ESRRG: variants seen among roughly 807,000 people sequenced by gnomAD.
The protein encoded by ESRRG is estrogen-related receptor gamma.
In ESRRG, 13 loss-of-function variants were observed where a neutral mutation model predicts 44.0. The observed-to-expected ratio is 0.30, with a 90% CI of 0.19 to 0.47. ESRRG has a LOEUF of 0.47. ESRRG is among the 20% of genes least tolerant of loss of function. The probability of loss-of-function intolerance (pLI) is 1.00; values close to 1 mark genes in which losing one functional copy is unlikely to be tolerated. For missense variants in ESRRG, 395 were observed against 580.6 expected (o/e 0.68, Z 3.29); for synonymous variants, 215 against 214.6 (o/e 1.00, Z -0.02).
At chr1:216,899,178 G>A (rs1179165268) in intron 2 of ESRRG, among the ~76,000 whole-genome samples, 1 of 152,144 alleles carries the variant, frequency 6.6e-6, no homozygotes, top group Non-Finnish European at 1.5e-5. Context: ...TGACAAGAAA[G>A]TTTCAGGGCT....
chr1:216,954,909 C>T (rs974228434), intron 1 of ESRRG, among the ~76,000 whole-genome samples: 5 of 151,994 alleles, frequency 3.3e-5, no homozygotes, highest in African/African-American at 1.2e-4. Context: ...GTTCCCTTTA[C>T]TTTTAGTTGA....
intron 5 of ESRRG, among the ~76,000 whole-genome samples, chr1:216,540,890 T>A (rs2052492221): frequency 6.6e-6 from 1 of 152,008 alleles, no homozygotes; most frequent in Non-Finnish European, 1.5e-5. Context: ...TTTAAAAAAA[T>A]CAGAGAATTT....
At chr1:216,511,112 G>T (rs947416523) in intron 6 of ESRRG, among the ~76,000 whole-genome samples, 1 of 151,992 alleles carries the variant, frequency 6.6e-6, no homozygotes, top group Non-Finnish European at 1.5e-5. Context: ...TCTGTGAAAC[G>T]CAGGACTTGA....
chr1:217,096,642 G>A (rs187828284), intron 1 of ESRRG, among the ~76,000 whole-genome samples: 4 of 107,794 alleles, frequency 3.7e-5, no homozygotes, highest in East Asian at 2.6e-4. Context: ...CCATTTCCTT[G>A]ATTAACTTCC....
chr1:216,976,286 ATGTGTGTG>A (rs61142800), intron 1 of ESRRG, among the ~76,000 whole-genome samples: 2,092 of 146,952 alleles, frequency 0.014, 25 homozygotes, highest in South Asian at 0.032. Flanking sequence ...ATGCTCCTAA[ATGTGTGTG>A]TGTGTGTGTG....
intron 5 of ESRRG, among the ~76,000 whole-genome samples, chr1:216,538,007 T>A (rs1308897223): frequency 1.3e-5 from 2 of 152,100 alleles, no homozygotes; most frequent in Non-Finnish European, 2.9e-5. Context: ...TTTCCCTTCC[T>A]TTCTGCAGGC....
intron 1 of ESRRG, among the ~76,000 whole-genome samples, chr1:217,046,577 A>G (rs1182276232): frequency 6.6e-6 from 1 of 152,192 alleles, no homozygotes; most frequent in East Asian, 1.9e-4. Context: ...GGAAAATCTT[A>G]AGAATCACAC....
rs1015765034 is a variant in ESRRG at position 216,982,179 on chromosome 1, A to T, written c.-105-42506T>A. Among the ~76,000 whole-genome samples, 31 of 152,288 alleles carry T rather than the reference A, an allele frequency of 2.0e-4. No homozygotes were observed. The South Asian group carries it at 3.7e-3, about 18-fold the overall frequency. On this transcript the variant is annotated intron_variant, in intron 1 of 7. Coordinates refer to the ESRRG transcript ENST00000359162. ...ATCAAGTGTGTAACAGCTTAGCTGC[A>T]CTCAGTGCCACTTTGAGAAAAAGAA... is the stretch of plus-strand genomic sequence containing the variant.
intron 3 of ESRRG, among the ~76,000 whole-genome samples, chr1:216,582,380 T>G (rs1167912150): frequency 6.6e-6 from 1 of 152,224 alleles, no homozygotes; most frequent in African/African-American, 2.4e-5. Flanking sequence ...GTTTACTAAA[T>G]GTTTTCATGC....
chr1:216,742,684 G>T (rs939368022), intron 2 of ESRRG, among the ~76,000 whole-genome samples: 2 of 151,708 alleles, frequency 1.3e-5, no homozygotes, highest in Admixed American at 1.3e-4. Context: ...GCAAAAGTGG[G>T]AGAGGAACAG....
chr1:216,737,135 T>A (rs560641305), intron 2 of ESRRG, among the ~76,000 whole-genome samples: 44 of 152,324 alleles, frequency 2.9e-4, no homozygotes, highest in African/African-American at 1.0e-3. Context: ...CCTTGGACTT[T>A]TAAAAACTCT....
At chr1:217,038,440 G>A (rs962044488) in intron 1 of ESRRG, among the ~76,000 whole-genome samples, 3 of 152,212 alleles carry the variant, frequency 2.0e-5, no homozygotes, top group Admixed American at 6.5e-5. Context: ...GATGGATTGT[G>A]AAATGACAGT....
Position 216,837,394 on chromosome 1 carries a change from C to T in ESRRG, c.-14+102188G>A, listed in dbSNP as rs1224891656. Among the ~76,000 whole-genome samples the T allele has an allele frequency of 2.9e-5, 4 of 137,342 alleles. No individual in the cohort carries two copies. In the South Asian group the frequency reaches 7.0e-4, roughly 24 times the overall value. 90.1% of individuals were successfully genotyped at this position (137,342 alleles called of 152,430 possible). A position where few individuals can be genotyped will look rare whatever the true frequency, so the allele number is the denominator to read the frequency against. On this transcript the variant is annotated intron_variant, in intron 2 of 7. Transcript: ENST00000359162. ...CCACCGCACTCCAGCCTGGGCAACACAGCAAGACTCCGTATCAAAAAAAAA... is the reference window on the plus strand; with the variant it reads ...CCACCGCACTCCAGCCTGGGCAACATAGCAAGACTCCGTATCAAAAAAAAA...
chr1:217,112,911 C>A lies in ESRRG; in HGVS notation c.-230+24756G>T, dbSNP rs187822508. Among the ~76,000 whole-genome samples, 34 of 152,236 alleles carry A rather than the reference C, an allele frequency of 2.2e-4. No individual in the cohort carries two copies. In the East Asian group the frequency reaches 6.2e-3, roughly 28 times the overall value. On this transcript the variant is annotated intron_variant, in intron 1 of 8. Transcript: ENST00000366940. Reference sequence around the variant, plus strand: ...TCAAGAGAATGTGTAAGCATCTGAACTGTGTTAATCTATAGGAGCCTCATA... The same window carrying A: ...TCAAGAGAATGTGTAAGCATCTGAAATGTGTTAATCTATAGGAGCCTCATA...
chr1:216,903,878 T>A (rs1048048779), intron 2 of ESRRG, among the ~76,000 whole-genome samples: 1 of 152,160 alleles, frequency 6.6e-6, no homozygotes, highest in Non-Finnish European at 1.5e-5. Flanking sequence ...ATTATGTTCT[T>A]GCTTGGACAC....
At chr1:217,111,250 G>A (rs2092658814) in intron 1 of ESRRG, among the ~76,000 whole-genome samples, 1 of 152,132 alleles carries the variant, frequency 6.6e-6, no homozygotes, top group African/African-American at 2.4e-5. Flanking sequence ...CCCCAGGGCA[G>A]GTATGAGCTT....
chr1:216,791,060 A>G (rs765904054), intron 2 of ESRRG, among the ~76,000 whole-genome samples: 4 of 152,186 alleles, frequency 2.6e-5, no homozygotes, highest in Non-Finnish European at 5.9e-5. Flanking sequence ...TTAGATTAAG[A>G]AGTGTAAGCA....
At chr1:216,706,729 A>G (rs1490301047) in intron 1 of ESRRG, among the ~76,000 whole-genome samples, 1 of 152,242 alleles carries the variant, frequency 6.6e-6, no homozygotes, top group Non-Finnish European at 1.5e-5. Flanking sequence ...CCCTGATACC[A>G]TGATTTTAAT....
At chr1:217,103,412 AAGGTAGG>A (rs2092546551) in intron 1 of ESRRG, among the ~76,000 whole-genome samples, 1 of 151,822 alleles carries the variant, frequency 6.6e-6, no homozygotes, top group Non-Finnish European at 1.5e-5. Flanking sequence ...TTGGGAGGCC[AAGGTAGG>A]AGGATCACTT....
Sources: gnomAD v4.1 joint callset for allele counts (sites outside exome capture counted in the v4.1 genomes callset) on GRCh38, gnomAD v4.1.1 for gene constraint, MANE v1.5 for transcripts, NCBI Gene and HGNC (gene_info 2026-07-23, HGNC 2026-07-21) for gene names.